The following DAB1 variants were observed in gnomAD, a reference collection of about 807,000 sequenced individuals.
The protein encoded by DAB1 is disabled homolog 1.
A neutral mutation model predicts 64.6 loss-of-function variants in DAB1; 15 were observed. The observed-to-expected ratio is 0.23, with a 90% confidence interval of 0.16 to 0.36. DAB1 has a LOEUF of 0.36. DAB1 is among the 10% of genes least tolerant of loss of function. DAB1 has a pLI of 1.00. For missense variants in DAB1, 596 were observed against 706.7 expected, an observed-to-expected ratio of 0.84 and a Z score of 1.78; for synonymous variants, 235 against 251.9, an observed-to-expected ratio of 0.93 and a Z score of 0.64.
At chr1:58,212,807 T>C (rs1463795630) in intron 4 of DAB1, among the ~76,000 whole-genome samples, 1 of 152,196 alleles carries the variant, frequency 6.6e-6, no homozygotes, top group African/African-American at 2.4e-5. Context: ...TGATTTCTAA[T>C]TTCCTCTGAT....
rs1217442375 is a variant in DAB1, at chr1:56,997,095, G to A, written c.*1049C>T. ...GCCACCATTGTTCCATTAGAAAGTT[G>A]GTTTTTAAGATCCAAAACCACATTA... On this transcript the variant is annotated 3_prime_UTR_variant, in exon 15 of 15. Coordinates refer to ENST00000371236, the MANE Select transcript of DAB1 (RefSeq NM_001365792.1). The A allele has an allele frequency of 2.0e-5, 3 of 151,676 alleles. No individual in the cohort carries two copies. The highest frequency in any genetic ancestry group is 4.8e-5 in the African/African-American group (2 of 41,280). The allele number at this position is 151,676 out of a possible 1,614,324, so 9.4% of individuals were successfully genotyped here.
At chr1:58,062,692 G>A (rs1446051472) in intron 5 of DAB1, among the ~76,000 whole-genome samples, 2 of 152,344 alleles carry the variant, frequency 1.3e-5, no homozygotes, top group South Asian at 2.1e-4. Flanking sequence ...TCCGTCAGGT[G>A]AGGAATTTGA....
chr1:57,892,761 C>T (rs1395925915), intron 5 of DAB1, among the ~76,000 whole-genome samples: 1 of 152,224 alleles, frequency 6.6e-6, no homozygotes, highest in Admixed American at 6.5e-5. Context: ...TTCCTTGAGA[C>T]TGAGACCCTG....
chr1:57,725,742 A>ACTTTT (rs1156448238), intron 6 of DAB1, among the ~76,000 whole-genome samples: 86 of 151,496 alleles, frequency 5.7e-4, no homozygotes, highest in African/African-American at 2.0e-3. Context: ...AATTCATTTA[A>ACTTTT]CTGTTCTTTT....
intron 1 of DAB1, among the ~76,000 whole-genome samples, chr1:57,293,444 C>T (rs898361427): frequency 2.6e-5 from 4 of 152,096 alleles, no homozygotes; most frequent in Admixed American, 1.3e-4. Flanking sequence ...ATAATAGTGC[C>T]CACTGGGGGA....
chr1:58,008,168 T>A (rs1646614033), intron 5 of DAB1, among the ~76,000 whole-genome samples: 1 of 152,140 alleles, frequency 6.6e-6, no homozygotes, highest in South Asian at 2.1e-4. Flanking sequence ...AGATAAGAAA[T>A]CTGAAGTTCA....
intron 1 of DAB1, among the ~76,000 whole-genome samples, chr1:57,301,426 G>T (rs143983847): frequency 3.3e-4 from 51 of 152,264 alleles, no homozygotes; most frequent in African/African-American, 1.1e-3. Context: ...GGGGAGGAAG[G>T]CTTACTGTGT....
chr1:58,503,190 T>G (rs990618005), intron 3 of DAB1, among the ~76,000 whole-genome samples: 1 of 151,860 alleles, frequency 6.6e-6, no homozygotes, highest in Non-Finnish European at 1.5e-5. Context: ...TGAGCGAAAA[T>G]AAAAAGAAAA....
chr1:57,060,634 C>A (rs193184442), intron 9 of DAB1, among the ~76,000 whole-genome samples: 1 of 152,014 alleles, frequency 6.6e-6, no homozygotes, highest in African/African-American at 2.4e-5. Flanking sequence ...CTGTTCAGAG[C>A]GAAAGTCCAG....
intron 7 of DAB1, among the ~76,000 whole-genome samples, chr1:57,623,219 C>T (rs562433909): frequency 5.3e-5 from 8 of 152,136 alleles, no homozygotes; most frequent in Non-Finnish European, 1.2e-4. Flanking sequence ...AAGCATGGGC[C>T]ACAGGCGGTG....
chr1:57,890,684 G>A (rs946264659), intron 5 of DAB1, among the ~76,000 whole-genome samples: 2 of 151,912 alleles, frequency 1.3e-5, no homozygotes, highest in African/African-American at 4.8e-5. Flanking sequence ...CAAACTCCTG[G>A]TCTCAAAGGA....
At chr1:57,943,222 A>G (rs909649890) in intron 5 of DAB1, among the ~76,000 whole-genome samples, 2 of 152,156 alleles carry the variant, frequency 1.3e-5, no homozygotes, top group Non-Finnish European at 2.9e-5. Flanking sequence ...ATTATAACAT[A>G]TTGTCTTCAT....
At chr1:58,456,367 G>T (rs937080958) in intron 3 of DAB1, among the ~76,000 whole-genome samples, 6 of 152,210 alleles carry the variant, frequency 3.9e-5, no homozygotes, top group African/African-American at 7.2e-5. Flanking sequence ...CGATTTGTCT[G>T]GGGGGAGGGT....
chr1:57,502,047 G>A (rs1468724723), intron 7 of DAB1, among the ~76,000 whole-genome samples: 1 of 152,042 alleles, frequency 6.6e-6, no homozygotes, highest in Non-Finnish European at 1.5e-5. Context: ...CCGGCCGGTC[G>A]CGGTGGCTCA....
intron 11 of DAB1, among the ~76,000 whole-genome samples, chr1:57,018,192 A>G (rs1165687051): frequency 6.6e-6 from 1 of 152,180 alleles, no homozygotes; most frequent in Non-Finnish European, 1.5e-5. Context: ...AGAAGACTGT[A>G]TTTTTGGTTT....
At chr1:57,513,503 G>A (rs1291445146) in intron 7 of DAB1, among the ~76,000 whole-genome samples, 3 of 152,060 alleles carry the variant, frequency 2.0e-5, no homozygotes, top group African/African-American at 7.2e-5. Flanking sequence ...GGAAACCCAA[G>A]AAAGAAAAAG....
chr1:57,646,058 G>T (rs571651773), intron 7 of DAB1, among the ~76,000 whole-genome samples: 1 of 152,212 alleles, frequency 6.6e-6, no homozygotes, highest in South Asian at 2.1e-4. Flanking sequence ...AGAAAAAATA[G>T]CAAGAAAACA....
chr1:57,244,540 G>C (rs1304199368), intron 2 of DAB1, among the ~76,000 whole-genome samples: 1 of 152,176 alleles, frequency 6.6e-6, no homozygotes, highest in Non-Finnish European at 1.5e-5. Flanking sequence ...CTGAAGATTA[G>C]AGGTGGAAAA....
At chr1:57,459,616 A>G (rs1686713476) in intron 7 of DAB1, among the ~76,000 whole-genome samples, 8 of 152,316 alleles carry the variant, frequency 5.3e-5, no homozygotes, top group Admixed American at 4.6e-4. Context: ...TTAAACTAGA[A>G]GAGACCTTGG....
Sources: gnomAD v4.1 joint callset for allele counts (sites outside exome capture counted in the v4.1 genomes callset) on GRCh38, gnomAD v4.1.1 for gene constraint, MANE v1.5 for transcripts, NCBI Gene and HGNC (gene_info 2026-07-23, HGNC 2026-07-21) for gene names.